The following AHCTF1 variants were observed in gnomAD, a reference collection of about 807,000 sequenced individuals.
The protein encoded by AHCTF1 is protein ELYS.
In AHCTF1, 24 loss-of-function variants were observed where a neutral mutation model predicts 248.4. That is an observed-to-expected ratio of 0.10 (90% CI 0.07 to 0.14). The LOEUF (loss-of-function observed/expected upper bound fraction) is 0.14. AHCTF1 is among the 10% of genes least tolerant of loss of function. The pLI is 1.00. For missense variants in AHCTF1, 2,206 were observed against 2,636.2 expected, an observed-to-expected ratio of 0.84 and a Z score of 3.57; for synonymous variants, 786 against 929.8, an observed-to-expected ratio of 0.85 and a Z score of 2.81.
At chr1:246,853,070 T>TA (rs759293843) in intron 32 of AHCTF1, 21 bp downstream of exon 32, 2 of 1,580,566 alleles carry the variant, frequency 1.3e-6, no homozygotes, top group South Asian at 1.1e-5. Context: ...GATAAAGAAG[T>TA]AAAAAATTAA....
chr1:246,864,219 C>T lies in AHCTF1; in HGVS notation c.3348-103G>A, dbSNP rs555656253. 210 of 1,104,994 alleles carry T rather than the reference C, an allele frequency of 1.9e-4. 1 individual carries two copies. The highest frequency in any genetic ancestry group is 1.4e-3 in the Middle Eastern group (6 of 4,314). The allele number at this position is 1,104,994 out of a possible 1,614,324, so 68.4% of individuals were successfully genotyped here. ...TATTCACTGGTAACTATGATAGCCA[C>T]ATGCAAATACAGTCAAGTATATTAA... On this transcript the variant is annotated intron_variant, in intron 26 of 35. Transcript: ENST00000648844.
At position 246,839,513 on chromosome 1, in the gene AHCTF1, G is replaced by A. The variant is rs557080972; in HGVS notation, c.*1293C>T. The A allele has an allele frequency of 2.2e-5, 22 of 985,564 alleles. No individual in the cohort carries two copies. The Admixed American group carries it at 6.8e-4, about 30-fold the overall frequency. The allele number at this position is 985,564 out of a possible 1,614,324, so 61.1% of individuals were successfully genotyped here. On this transcript the variant is annotated 3_prime_UTR_variant, in exon 36 of 36. Coordinates refer to ENST00000648844, the MANE Select transcript of AHCTF1 (RefSeq NM_001323342.2). ...TCAGTGAAATTTTCAACAAGGCAGC[G>A]TAACATCCATCACTAACCTGACTAA...
At chr1:246,908,373 C>T (rs1476037838) in intron 4 of AHCTF1, among the ~76,000 whole-genome samples, 2 of 151,104 alleles carry the variant, frequency 1.3e-5, no homozygotes, top group Non-Finnish European at 2.9e-5. Flanking sequence ...CTACCCTCCC[C>T]ACCTACAAAA....
At chr1:246,866,152 C>A (rs1272639113) in intron 26 of AHCTF1, among the ~76,000 whole-genome samples, 1 of 152,092 alleles carries the variant, frequency 6.6e-6, no homozygotes, top group Non-Finnish European at 1.5e-5. Flanking sequence ...GGTAAATATT[C>A]AAAACTCAAC....
intron 3 of AHCTF1, among the ~76,000 whole-genome samples, chr1:246,914,915 T>C (rs1299167864): frequency 6.6e-6 from 1 of 152,238 alleles, no homozygotes; most frequent in Admixed American, 6.5e-5. Context: ...CTACTGTCAT[T>C]TCCTTGGTTC....
At chr1:246,853,397 T>G (rs1490270445) in intron 31 of AHCTF1, 98 bp from the exon 32 acceptor site, 6 of 921,304 alleles carry the variant, frequency 6.5e-6, no homozygotes, top group Non-Finnish European at 9.8e-6. Context: ...TGCACTTGAA[T>G]AGTGTATTAA....
chr1:246,845,679 C>T (rs1241448514), intron 33 of AHCTF1, among the ~76,000 whole-genome samples: 1 of 152,152 alleles, frequency 6.6e-6, no homozygotes, highest in Non-Finnish European at 1.5e-5. Flanking sequence ...CCATGTGCTT[C>T]TATTATAGCA....
intron 12 of AHCTF1, among the ~76,000 whole-genome samples, chr1:246,897,736 T>A (rs1664687927): frequency 6.6e-6 from 1 of 152,146 alleles, no homozygotes. Flanking sequence ...ATTTCAGCAC[T>A]TTGGGATGCC....
At chr1:246,868,914 G>C (rs374263217) in intron 24 of AHCTF1, among the ~76,000 whole-genome samples, 7 of 147,902 alleles carry the variant, frequency 4.7e-5, no homozygotes, top group South Asian at 2.1e-4. Flanking sequence ...GTGTGATCTC[G>C]GCTCACTGCA....
intron 12 of AHCTF1, among the ~76,000 whole-genome samples, 160 bp from the exon 13 acceptor site, chr1:246,896,085 G>A (rs774588884): frequency 2.6e-5 from 4 of 152,188 alleles, no homozygotes; most frequent in South Asian, 2.1e-4. Context: ...TGGTAAGGAC[G>A]TGTTAAAACT....
In AHCTF1 at chr1:246,849,804, G is replaced by T; in HGVS notation, c.6202C>A (p.Arg2068Ser). Reference protein sequence around the residue: ...KRSLHSVSEERTDEMTHKETN... With the variant: ...KRSLHSVSEESTDEMTHKETN... ...TCTTTATGTGTCATTTCATCTGTGC[G>T]TTCTTCTGATACTGAGTGCAATGAA... The change falls in exon 33 of 36, where the codon CGC (arginine) becomes AGC (serine). Residue 2068 changes from arginine (R) to serine (S), a missense_variant. Physicochemically the swap from Arg to Ser is moderately radical, Grantham distance 110. Transcript: ENST00000648844. The T allele has an allele frequency of 6.2e-7, 1 of 1,613,956 alleles. No homozygotes were observed. Among genetic ancestry groups the T allele is most frequent in the Non-Finnish European group, 8.5e-7 (1 of 1,179,866 alleles).
Position 246,849,594 on chromosome 1 carries a change from TTTGCAGAGAAAG to T in AHCTF1, c.6391+9_6391+20del, listed in dbSNP as rs754899492. On this transcript the variant is annotated intron_variant, in intron 33 of 35. Coordinates refer to ENST00000648844, the MANE Select transcript of AHCTF1 (RefSeq NM_001323342.2). Reference sequence around the variant, plus strand: ...AAGAGTGACTGAGATGAAAAACTGTTTTGCAGAGAAAGAAAAGTACCTTTTGCTTTCCTTGGA... The same window carrying T: ...AAGAGTGACTGAGATGAAAAACTGTTAAAAGTACCTTTTGCTTTCCTTGGA... 3.2e-6 allele frequency: 5 copies of T among 1,579,636 alleles called. No homozygotes were observed. The South Asian group carries it at 5.8e-5, about 18-fold the overall frequency.
At chr1:246,875,902 C>G in intron 24 of AHCTF1, 135 bp downstream of exon 24, 1 of 856,036 alleles carries the variant, frequency 1.2e-6, no homozygotes, top group East Asian at 2.8e-5. Flanking sequence ...GATCTGGAAC[C>G]AAACCAGCAA....
intron 35 of AHCTF1, 27 bp downstream of exon 35, chr1:246,842,667 A>G (rs1473919116): frequency 6.3e-7 from 1 of 1,598,288 alleles, no homozygotes; most frequent in East Asian, 2.2e-5. Flanking sequence ...TCAATCAATC[A>G]ATCAAGAACA....
intron 20 of AHCTF1, among the ~76,000 whole-genome samples, chr1:246,886,934 A>C (rs1179226443): frequency 6.6e-6 from 1 of 152,134 alleles, no homozygotes; most frequent in Non-Finnish European, 1.5e-5. Context: ...CAACACCCCA[A>C]ACATCTCTCT....
rs1572434499 is a variant in AHCTF1 at position 246,898,420 on chromosome 1, T to C, written c.1495-84A>G. 2.9e-6 allele frequency: 4 copies of C among 1,380,038 alleles called. No individual in the cohort carries two copies. In the East Asian group the frequency reaches 1.0e-4, roughly 35 times the overall value. 85.5% of individuals were successfully genotyped at this position (1,380,038 alleles called of 1,614,324 possible). A position where few individuals can be genotyped will look rare whatever the true frequency, so the allele number is the denominator to read the frequency against. On this transcript the variant is annotated intron_variant, in intron 11 of 35. Coordinates refer to ENST00000648844, the MANE Select transcript of AHCTF1 (RefSeq NM_001323342.2). The stretch of plus-strand genomic sequence containing the variant: ...AGATTAATTAATTACACTTAAAATT[T>C]AAGTAAAATTTAAAGATAGCAAGTG...
chr1:246,871,876 A>G (rs1662614188), intron 24 of AHCTF1, among the ~76,000 whole-genome samples: 1 of 152,096 alleles, frequency 6.6e-6, no homozygotes, highest in Non-Finnish European at 1.5e-5. Flanking sequence ...AAAAATAATA[A>G]CAACCTAAAG....
At chr1:246,928,446 A>G (rs1228350260) in intron 1 of AHCTF1, among the ~76,000 whole-genome samples, 1 of 152,212 alleles carries the variant, frequency 6.6e-6, no homozygotes, top group African/African-American at 2.4e-5. Flanking sequence ...TCCTAAATGT[A>G]ATAAATTAGG....
intron 21 of AHCTF1, among the ~76,000 whole-genome samples, chr1:246,882,612 A>C (rs1197022181): frequency 6.6e-6 from 1 of 152,252 alleles, no homozygotes; most frequent in Non-Finnish European, 1.5e-5. Context: ...AGTTAAAAGG[A>C]CAGCAAAATA....
Sources: gnomAD v4.1 joint callset for allele counts (sites outside exome capture counted in the v4.1 genomes callset) on GRCh38, gnomAD v4.1.1 for gene constraint, MANE v1.5 for transcripts, NCBI Gene and HGNC (gene_info 2026-07-23, HGNC 2026-07-21) for gene names.